Variants in CMIP observed in about 807,000 individuals in gnomAD.
CMIP encodes the protein C-Maf-inducing protein.
Under a neutral mutation model 97.3 loss-of-function variants are expected in CMIP, and 13 were observed. That is an observed-to-expected ratio of 0.13 (90% CI 0.09 to 0.21). CMIP has a LOEUF of 0.21. Among genes scored for constraint, CMIP ranks in the 10% least tolerant of loss-of-function variants. The pLI is 1.00. For missense variants in CMIP, 847 were observed against 1,024.9 expected (o/e 0.83, Z 2.37); for synonymous variants, 538 against 436.3 (o/e 1.23, Z -2.91).
At chr16:81,545,623 G>A (rs1260661915) in intron 1 of CMIP, among the ~76,000 whole-genome samples, 1 of 152,178 alleles carries the variant, frequency 6.6e-6, no homozygotes. Context: ...AGACCACACA[G>A]CACGGGGCGG....
chr16:81,538,805 A>G (rs912341206), intron 1 of CMIP, among the ~76,000 whole-genome samples: 1 of 152,032 alleles, frequency 6.6e-6, no homozygotes, highest in Non-Finnish European at 1.5e-5. Flanking sequence ...CTTCTCGGGC[A>G]ATAATATGAT....
At chr16:81,673,573 C>A in intron 9 of CMIP, among the ~76,000 whole-genome samples, 1 of 152,264 alleles carries the variant, frequency 6.6e-6, no homozygotes, top group Non-Finnish European at 1.5e-5. Flanking sequence ...CTTCAGGCAG[C>A]TGGCATGCAC....
chr16:81,556,391 A>G (rs112514565), intron 1 of CMIP, among the ~76,000 whole-genome samples: 1,621 of 152,280 alleles, frequency 0.011, 37 homozygotes, highest in African/African-American at 0.036. Context: ...TCTTCTGCAT[A>G]TATAGCTAGG....
chr16:81,524,349 A>G (rs1439457973), intron 1 of CMIP, among the ~76,000 whole-genome samples: 15 of 152,244 alleles, frequency 9.9e-5, no homozygotes, highest in Non-Finnish European at 1.5e-5. Context: ...GAGACTGTCT[A>G]CAAGTGACAG....
intron 4 of CMIP, among the ~76,000 whole-genome samples, chr16:81,657,503 C>G (rs918020373): frequency 6.6e-6 from 1 of 152,138 alleles, no homozygotes. Context: ...AACTGAGTCT[C>G]CCCTAGACTC....
chr16:81,696,792 G>A (rs370207043), intron 14 of CMIP, 125 bp downstream of exon 14: 78,078 of 791,684 alleles, frequency 0.099, 4,267 homozygotes, highest in East Asian at 0.17. Context: ...ACACAGTGCT[G>A]ATCATGAAGG....
At chr16:81,492,152 G>T (rs939238927) in intron 1 of CMIP, among the ~76,000 whole-genome samples, 1 of 152,220 alleles carries the variant, frequency 6.6e-6, no homozygotes, top group Admixed American at 6.5e-5. Context: ...ACAGGGGTAT[G>T]AACATTTTGA....
chr16:81,527,652 A>G (rs1309120427), intron 1 of CMIP, among the ~76,000 whole-genome samples: 4 of 152,112 alleles, frequency 2.6e-5, no homozygotes, highest in African/African-American at 9.7e-5. Context: ...GTCTGTGTTT[A>G]TTTAGTTTTT....
intron 1 of CMIP, among the ~76,000 whole-genome samples, chr16:81,479,765 C>T (rs929263026): frequency 6.6e-6 from 1 of 152,188 alleles, no homozygotes; most frequent in African/African-American, 2.4e-5. Flanking sequence ...GAAGGAAATC[C>T]TGTACCCGTT....
intron 3 of CMIP, among the ~76,000 whole-genome samples, chr16:81,635,765 G>A (rs1029830856): frequency 2.0e-5 from 3 of 152,086 alleles, no homozygotes; most frequent in African/African-American, 7.2e-5. Context: ...AGGGTGGCGG[G>A]GACAGCTCTG....
At chr16:81,658,587 C>G (rs998681888) in intron 5 of CMIP, among the ~76,000 whole-genome samples, 1 of 152,184 alleles carries the variant, frequency 6.6e-6, no homozygotes, top group African/African-American at 2.4e-5. Context: ...TAGGAGTTTT[C>G]CAGGTGGCAA....
chr16:81,527,364 T>C (rs188828691), intron 1 of CMIP, among the ~76,000 whole-genome samples: 33 of 151,758 alleles, frequency 2.2e-4, no homozygotes, highest in African/African-American at 8.0e-4. Context: ...AATAGCTAGA[T>C]ACCAGAAAAA....
intron 1 of CMIP, among the ~76,000 whole-genome samples, chr16:81,544,410 C>G (rs1280568459): frequency 4.6e-5 from 7 of 151,418 alleles, no homozygotes; most frequent in Non-Finnish European, 2.9e-5. Flanking sequence ...AGGACTCTGT[C>G]TCATCCTCAG....
chr16:81,670,982 C>T (rs558036446), intron 8 of CMIP, among the ~76,000 whole-genome samples: 47 of 152,220 alleles, frequency 3.1e-4, no homozygotes, highest in Admixed American at 2.4e-3. Context: ...GCACACGTTA[C>T]GACTCCTGGC....
At chr16:81,484,955 T>C (rs1186105677) in intron 1 of CMIP, among the ~76,000 whole-genome samples, 8 of 151,028 alleles carry the variant, frequency 5.3e-5, no homozygotes, top group African/African-American at 2.0e-4. Context: ...GAAAACCTCT[T>C]TTTTTTTCTG....
chr16:81,604,690 A>G (rs930678411), intron 1 of CMIP, among the ~76,000 whole-genome samples: 4 of 152,138 alleles, frequency 2.6e-5, no homozygotes, highest in Admixed American at 2.6e-4. Flanking sequence ...ACAGAGCAAG[A>G]CTCCGTCTCA....
At chr16:81,456,502 G>A (rs1329805258) in intron 1 of CMIP, among the ~76,000 whole-genome samples, 1 of 152,202 alleles carries the variant, frequency 6.6e-6, no homozygotes, top group East Asian at 1.9e-4. Context: ...AGGATAGTGA[G>A]CACTTACCCA....
intron 2 of CMIP, 136 bp from the exon 3 acceptor site, chr16:81,620,740 T>C (rs1344597210): frequency 1.0e-5 from 10 of 990,332 alleles, no homozygotes; most frequent in African/African-American, 3.2e-5. Context: ...TAGCATATCT[T>C]TCAGCAGGCT....
intron 1 of CMIP, among the ~76,000 whole-genome samples, chr16:81,475,812 T>A (rs1907872639): frequency 6.6e-6 from 1 of 152,018 alleles, no homozygotes; most frequent in Non-Finnish European, 1.5e-5. Flanking sequence ...GGTGAAATCC[T>A]GTCTCTACTA....
Sources: gnomAD v4.1 joint callset for allele counts (sites outside exome capture counted in the v4.1 genomes callset) on GRCh38, gnomAD v4.1.1 for gene constraint, MANE v1.5 for transcripts, NCBI Gene and HGNC (gene_info 2026-07-23, HGNC 2026-07-21) for gene names.